CPAMD8: variants seen among roughly 807,000 people sequenced by gnomAD.
The protein encoded by CPAMD8 is C3 and PZP like alpha-2-macroglobulin domain containing 8.
Under a neutral mutation model 224.7 loss-of-function variants are expected in CPAMD8, and 146 were observed. The ratio of observed to expected loss-of-function variants is 0.65; its 90% CI spans 0.57 to 0.75. The LOEUF (loss-of-function observed/expected upper bound fraction) is 0.75. Among genes scored for constraint, CPAMD8 ranks in the 30% least tolerant of loss-of-function variants. The probability of loss-of-function intolerance (pLI) is 0.00; values close to 1 mark genes in which losing one functional copy is unlikely to be tolerated. For synonymous variants in CPAMD8, 966 were observed against 1,044.6 expected (o/e 0.92, Z 1.45); for missense variants, 2,301 against 2,537.5 (o/e 0.91, Z 2.00).
At chr19:16,925,429 G>T in intron 25 of CPAMD8, 57 bp from the exon 26 acceptor site, 1 of 1,402,136 alleles carries the variant, frequency 7.1e-7, no homozygotes, top group Non-Finnish European at 1.0e-6. Flanking sequence ...GTAGAGAACA[G>T]GGACAGCTTT....
At chr19:16,979,304 A>G (rs371431512) in intron 14 of CPAMD8, among the ~76,000 whole-genome samples, 1 of 86,204 alleles carries the variant, frequency 1.2e-5, no homozygotes, top group Non-Finnish European at 2.1e-5. Context: ...ACCTCCATCC[A>G]TCTATTCATC....
rs940191212 is a variant in CPAMD8, at chr19:16,898,185, C to T, written c.4849-191G>A. On this transcript the variant is annotated intron_variant, in intron 37 of 41. Transcript: ENST00000443236. The surrounding 1 kb of genome is among the most constrained non-coding windows in gnomAD (Gnocchi z 4.2). ...CCTGAGACAGAGTCTCGCGCTGTTGCCCAGGCTGGAGTGCAGTGGCGTGAT... is the reference window on the plus strand; with the variant it reads ...CCTGAGACAGAGTCTCGCGCTGTTGTCCAGGCTGGAGTGCAGTGGCGTGAT... 83 of 555,152 alleles carry T rather than the reference C, an allele frequency of 1.5e-4. No individual in the cohort carries two copies. Among genetic ancestry groups the T allele is most frequent in the African/African-American group, 1.4e-3 (70 of 49,728 alleles). The allele number at this position is 555,152 out of a possible 1,614,324, so 34.4% of individuals were successfully genotyped here.
chr19:16,933,927 A>T (rs2053614834), intron 23 of CPAMD8, among the ~76,000 whole-genome samples: 1 of 152,230 alleles, frequency 6.6e-6, no homozygotes, highest in Admixed American at 6.5e-5. Context: ...AACTGGAAAC[A>T]GCTTGAAAGT....
intron 5 of CPAMD8, among the ~76,000 whole-genome samples, chr19:17,011,051 G>A (rs1030368607): frequency 1.2e-4 from 18 of 151,854 alleles, no homozygotes; most frequent in African/African-American, 4.1e-4. Flanking sequence ...AAAATCAGCC[G>A]GGCGTGGTGG....
intron 15 of CPAMD8, 41 bp downstream of exon 15, chr19:16,977,327 G>A (rs2055314176): frequency 6.9e-7 from 1 of 1,444,972 alleles, no homozygotes; most frequent in Non-Finnish European, 9.7e-7. Context: ...AAGCCCCGAT[G>A]GCCCCTGGCT....
chr19:16,921,190 C>T lies in CPAMD8; in HGVS notation c.3629+715G>A, dbSNP rs545112448. Among the ~76,000 whole-genome samples the T allele has an allele frequency of 1.6e-4, 24 of 152,216 alleles. No individual in the cohort carries two copies. In the South Asian group the frequency reaches 4.6e-3, roughly 29 times the overall value. ...GGCAGGAAGTACTCAGCCACATGTC[C>T]CCACTCCCTGGGATCCTGGCACTGT... is the stretch of plus-strand genomic sequence containing the variant. On this transcript the variant is annotated intron_variant, in intron 27 of 41. Transcript: ENST00000443236.
chr19:16,895,872 C>T (rs1234511027), intron 41 of CPAMD8: 8 of 541,442 alleles, frequency 1.5e-5, no homozygotes, highest in Non-Finnish European at 2.8e-5. Flanking sequence ...GATAAGGGAT[C>T]CTTGACCCGT....
At chr19:16,975,881 G>A in intron 16 of CPAMD8, 121 bp downstream of exon 16, 1 of 1,097,870 alleles carries the variant, frequency 9.1e-7, no homozygotes. Context: ...ACCCGACGGA[G>A]AAAGCGAATC....
rs1296363257 is a variant in CPAMD8, at chr19:16,903,699, C to T, written c.4407+3G>A. The T allele has an allele frequency of 6.2e-7, 1 of 1,614,136 alleles. No individual in the cohort carries two copies. The highest frequency in any genetic ancestry group is 8.5e-7 in the Non-Finnish European group (1 of 1,179,990). Reference sequence around the variant, plus strand: ...CCCAAACCCTCATCCCAGGAACACGCACCGCTGCTGTCTGCAGAACCTTCT... The same window carrying T: ...CCCAAACCCTCATCCCAGGAACACGTACCGCTGCTGTCTGCAGAACCTTCT... On this transcript the variant is annotated splice_donor_region_variant and intron_variant, in intron 33 of 41. Transcript: ENST00000443236.
At chr19:16,975,062 A>G (rs1199020241) in intron 17 of CPAMD8, 35 bp downstream of exon 17, 1 of 1,594,534 alleles carries the variant, frequency 6.3e-7, no homozygotes, top group African/African-American at 1.3e-5. Context: ...GGAACTTAGA[A>G]GGGGGCAGAG....
At chr19:16,912,827 A>T (rs1455945238) in intron 29 of CPAMD8, among the ~76,000 whole-genome samples, 2 of 152,178 alleles carry the variant, frequency 1.3e-5, no homozygotes, top group African/African-American at 4.8e-5. Context: ...GATATGGACA[A>T]TGAGAAGATT....
chr19:16,924,859 A>G (rs754528417), intron 26 of CPAMD8, among the ~76,000 whole-genome samples: 10 of 152,214 alleles, frequency 6.6e-5, no homozygotes, highest in Non-Finnish European at 1.0e-4. Flanking sequence ...TGTTGGGATT[A>G]CAGGCATCAG....
Position 16,914,380 on chromosome 19 carries a change from C to T in CPAMD8, c.3861+44G>A, listed in dbSNP as rs1380231833. The T allele has an allele frequency of 2.6e-6, 4 of 1,547,854 alleles. No individual in the cohort carries two copies. The South Asian group carries it at 3.3e-5, about 13-fold the overall frequency. ...AGGAGGGAACCTTCCATTTGCTCCT[C>T]CAGTGCCCAGCCCCGAGTCTCCCCA... On this transcript the variant is annotated intron_variant, in intron 29 of 41. Transcript: ENST00000443236.
rs2052248326 is a variant in CPAMD8 at position 16,901,305 on chromosome 19, C to T, written c.4686-8G>A. 1.9e-6 allele frequency: 3 copies of T among 1,592,920 alleles called. No homozygotes were observed. The highest frequency in any genetic ancestry group is 1.7e-5 in the Admixed American group (1 of 59,694). On this transcript the variant is annotated splice_region_variant and splice_polypyrimidine_tract_variant and intron_variant, in intron 35 of 41. Transcript: ENST00000443236. ...GACCCTGCATGCAGCCACCTTCCAA[C>T]AACAGGGGAGAGAGAGAGGCCCTAG...
chr19:16,903,902 G>A (rs914131170), intron 32 of CPAMD8, 45 bp from the exon 33 acceptor site: 3 of 1,591,736 alleles, frequency 1.9e-6, no homozygotes, highest in African/African-American at 1.3e-5. Flanking sequence ...AGACTGAGTT[G>A]GCCAGTGGTC....
rs140169657 is a variant in CPAMD8 at position 16,997,877 on chromosome 19, C to T, written c.868-539G>A. On this transcript the variant is annotated intron_variant, in intron 10 of 41. Transcript: ENST00000443236. ...AGAGATTCCCATGCTGACACAATCT[C>T]CCACAGCCCAGGCAACAGAGGGGGC... Among the ~76,000 whole-genome samples the T allele has an allele frequency of 3.4e-3, 522 of 152,076 alleles. 3 individuals carry two copies. The highest frequency in any genetic ancestry group is 0.025 in the South Asian group (118 of 4,812).
At chr19:17,014,470 G>A (rs530960932) in intron 3 of CPAMD8, among the ~76,000 whole-genome samples, 3 of 152,260 alleles carry the variant, frequency 2.0e-5, no homozygotes, top group African/African-American at 7.2e-5. Flanking sequence ...TCCTGTATTA[G>A]TCTGTTTTCA....
In CPAMD8 at chr19:17,009,280, G is replaced by A. The variant is rs555859239; in HGVS notation, c.504+23C>T. On this transcript the variant is annotated intron_variant, in intron 6 of 41. Coordinates refer to ENST00000443236, the MANE Select transcript of CPAMD8 (RefSeq NM_015692.5). ...GCTACCCGGGCCCCAAGTCCAAGCC[G>A]AGGAAGGACAGAGGCCACTCACCAG... is the stretch of plus-strand genomic sequence containing the variant. The A allele has an allele frequency of 8.7e-5, 140 of 1,613,968 alleles. No individual in the cohort carries two copies. In the South Asian group the frequency reaches 9.2e-4, roughly 11 times the overall value.
At chr19:17,022,233 G>A (rs779230185) in intron 1 of CPAMD8, 52 bp from the exon 2 acceptor site, 49 of 1,574,748 alleles carry the variant, frequency 3.1e-5, no homozygotes, top group African/African-American at 1.9e-4. Flanking sequence ...CCCTGGTCTC[G>A]CTGCCACCAC....
Sources: gnomAD v4.1 joint callset for allele counts (sites outside exome capture counted in the v4.1 genomes callset) on GRCh38, gnomAD v4.1.1 for gene constraint, Gnocchi (gnomAD v3.1) non-coding constraint, MANE v1.5 for transcripts, NCBI Gene and HGNC (gene_info 2026-07-23, HGNC 2026-07-21) for gene names.